SDF4: variants seen among roughly 807,000 people sequenced by gnomAD.
SDF4 encodes the protein stromal cell derived factor 4.
Under a neutral mutation model 34.2 loss-of-function variants are expected in SDF4, and 22 were observed. The observed-to-expected ratio is 0.64, with a 90% CI of 0.46 to 0.92. The LOEUF is 0.92. Ranked by LOEUF, SDF4 falls within the 40% of genes least tolerant of loss-of-function variation. The pLI, the probability that SDF4 is intolerant of heterozygous loss-of-function variation, is 0.00. For missense variants in SDF4, 447 were observed against 499.9 expected (o/e 0.89, Z 1.01); for synonymous variants, 236 against 203.1 (o/e 1.16, Z -1.38).
chr1:1,222,814 A>G (rs962161664), intron 4 of SDF4, among the ~76,000 whole-genome samples: 6 of 152,216 alleles, frequency 3.9e-5, no homozygotes, highest in Admixed American at 3.3e-4. Flanking sequence ...GACAGCCACC[A>G]CCAACCAGGT....
chr1:1,222,923 G>A (rs1650051221), intron 4 of SDF4, among the ~76,000 whole-genome samples: 2 of 152,208 alleles, frequency 1.3e-5, no homozygotes, highest in Non-Finnish European at 2.9e-5. Flanking sequence ...CTACCTGGAT[G>A]TACTCACAAG....
intron 4 of SDF4, among the ~76,000 whole-genome samples, chr1:1,221,673 G>A (rs757447318): frequency 3.5e-4 from 53 of 152,172 alleles, no homozygotes; most frequent in Non-Finnish European, 2.1e-4. Context: ...AAAAGAAAGA[G>A]GCTAAGACTA....
At chr1:1,221,146 G>A (rs892661288) in intron 4 of SDF4, 1 of 239,272 alleles carries the variant, frequency 4.2e-6, no homozygotes, top group African/African-American at 2.3e-5. Context: ...CCAAACTCCA[G>A]ATAAGAGTAC....
In SDF4 at chr1:1,218,026, G is replaced by A. The variant is rs960961579; in HGVS notation, c.892-338C>T. Reference sequence around the variant, plus strand: ...AAACAAGATGACTCACTCAGCAGTGGGAGAAAAACAAGCCTACACATGATA... The same window carrying A: ...AAACAAGATGACTCACTCAGCAGTGAGAGAAAAACAAGCCTACACATGATA... On this transcript the variant is annotated intron_variant, in intron 6 of 6. Coordinates refer to ENST00000360001, the MANE Select transcript of SDF4 (RefSeq NM_016176.6). This position sits in a 1 kb window ranked among gnomAD's most constrained non-coding sequence, Gnocchi z 7.9. Among the ~76,000 whole-genome samples, 1 of 152,180 alleles carries A rather than the reference G, an allele frequency of 6.6e-6. No homozygotes were observed. Among genetic ancestry groups the A allele is most frequent in the African/African-American group, 2.4e-5 (1 of 41,454 alleles).
intron 1 of SDF4, among the ~76,000 whole-genome samples, chr1:1,230,677 T>C (rs1367128010): frequency 2.0e-5 from 3 of 152,246 alleles, no homozygotes; most frequent in Non-Finnish European, 4.4e-5. Flanking sequence ...CAGGCTGGTC[T>C]CTAACTCCTG....
At chr1:1,230,409 A>G (rs1412972851) in intron 1 of SDF4, among the ~76,000 whole-genome samples, 3 of 152,068 alleles carry the variant, frequency 2.0e-5, no homozygotes, top group Non-Finnish European at 4.4e-5. Flanking sequence ...CAAGAGGGGT[A>G]CAAGCCTGAG....
intron 4 of SDF4, chr1:1,220,335 T>C: frequency 9.1e-7 from 1 of 1,103,322 alleles, no homozygotes; most frequent in Non-Finnish European, 1.1e-6. Context: ...GATGCCCGCC[T>C]GCCACGCCTT....
rs1327421236 is a variant in SDF4, at chr1:1,228,632, A to T, written c.141T>A (p.Asn47Lys). The T allele has an allele frequency of 8.7e-6, 14 of 1,612,892 alleles. No individual in the cohort carries two copies. The highest frequency in any genetic ancestry group is 2.7e-5 in the African/African-American group (2 of 74,888). ...TRERVANREE[N>K]EILPPDHLNG... ...TCAGGTGGTCTGGGGGCAGGATCTC[A>T]TTCTCCTCCCTGTTGGCTACTCTCT... The change falls in exon 2 of 7, where the codon AAT becomes AAA. Residue 47 changes from asparagine to lysine, a missense_variant. Physicochemically the swap from Asn to Lys is moderately conservative, Grantham distance 94. Coordinates refer to ENST00000360001, the MANE Select transcript of SDF4 (RefSeq NM_016176.6).
intron 4 of SDF4, chr1:1,220,479 C>T: frequency 2.5e-6 from 3 of 1,194,654 alleles, no homozygotes; most frequent in Admixed American, 3.4e-5. Context: ...TCCCAGGCCC[C>T]TCCTCCAGGA....
chr1:1,220,435 G>A, intron 4 of SDF4: 2 of 1,182,990 alleles, frequency 1.7e-6, no homozygotes, highest in Non-Finnish European at 2.1e-6. Flanking sequence ...GCAGGGAGGG[G>A]TGGGAGGTCG....
Position 1,220,406 on chromosome 1 carries a change from T to C in SDF4, c.557-1479A>G, listed in dbSNP as rs12090040. Reference sequence around the variant, plus strand: ...GACAGCAGCCCCCGGACTCACGCGGTGACCCTCGCAGGAGCCATGCAGGGA... The same window carrying C: ...GACAGCAGCCCCCGGACTCACGCGGCGACCCTCGCAGGAGCCATGCAGGGA... On this transcript the variant is annotated intron_variant, in intron 4 of 6. Transcript: ENST00000360001. The C allele has an allele frequency of 0.02, 23,466 of 1,165,722 alleles. 3,525 individuals carry two copies. The African/African-American group carries it at 0.33, about 16-fold the overall frequency. The allele number at this position is 1,165,722 out of a possible 1,614,324, so 72.2% of individuals were successfully genotyped here.
Position 1,220,383 on chromosome 1 carries a change from C to T in SDF4, c.557-1456G>A, listed in dbSNP as rs1180507951. ...CAGAATCAGGTCTGAGGCGCGAGGA[C>T]AGCAGCCCCCGGACTCACGCGGTGA... On this transcript the variant is annotated intron_variant, in intron 4 of 6. Transcript: ENST00000360001. 5 of 1,147,598 alleles carry T rather than the reference C, an allele frequency of 4.4e-6. No homozygotes were observed. The African/African-American group carries it at 8.1e-5, about 19-fold the overall frequency. The allele number at this position is 1,147,598 out of a possible 1,614,324, so 71.1% of individuals were successfully genotyped here.
chr1:1,221,054 A>C, intron 4 of SDF4: 1 of 323,202 alleles, frequency 3.1e-6, no homozygotes, highest in Non-Finnish European at 6.1e-6. Flanking sequence ...CAGGACTTTG[A>C]GACCAGCCTG....
rs751991902 is a variant in SDF4, at chr1:1,228,773, C to T, written c.-1G>A. 9.3e-6 allele frequency: 15 copies of T among 1,604,304 alleles called. No individual in the cohort carries two copies. Among genetic ancestry groups the T allele is most frequent in the East Asian group, 2.2e-5 (1 of 44,542 alleles). On this transcript the variant is annotated 5_prime_UTR_variant, in exon 2 of 7. Coordinates refer to ENST00000360001, the MANE Select transcript of SDF4 (RefSeq NM_016176.6). ...TGAGGGGACCCCACCTGGACGCCAT[C>T]GCCACCCAGGGCCAGACCATGGGGC... is the stretch of plus-strand genomic sequence containing the variant.
intron 4 of SDF4, chr1:1,220,193 G>A (rs977732354): frequency 7.6e-5 from 75 of 990,538 alleles, no homozygotes; most frequent in Admixed American, 1.2e-4. Context: ...CCCTCCCCAC[G>A]AGCCGGGCCT....
intron 2 of SDF4, among the ~76,000 whole-genome samples, chr1:1,224,843 G>A (rs1428354213): frequency 6.6e-6 from 1 of 152,244 alleles, no homozygotes; most frequent in Non-Finnish European, 1.5e-5. Flanking sequence ...AACCTGGAAT[G>A]CGAAGGTTGC....
intron 1 of SDF4, among the ~76,000 whole-genome samples, chr1:1,229,990 G>A (rs1162042423): frequency 6.6e-6 from 1 of 152,246 alleles, no homozygotes; most frequent in African/African-American, 2.4e-5. Flanking sequence ...GAGGAGCCCA[G>A]AAGTCTGTCC....
intron 4 of SDF4, 74 bp downstream of exon 4, chr1:1,223,170 T>C: frequency 9.8e-7 from 1 of 1,018,262 alleles, no homozygotes. Context: ...CACGGCACAC[T>C]CATGTACACA....
At position 1,217,788 on chromosome 1, in the gene SDF4, G is replaced by A. The variant is rs538738238; in HGVS notation, c.892-100C>T. The A allele has an allele frequency of 6.9e-6, 11 of 1,590,634 alleles. No homozygotes were observed. The highest frequency in any genetic ancestry group is 1.7e-4 in the Middle Eastern group (1 of 6,008). ...ATTTAAGGTGCCTATTGGCTGCAGC[G>A]GGAGTGTGGGCACGTTCTGGAAGGT... On this transcript the variant is annotated intron_variant, in intron 6 of 6. Coordinates refer to ENST00000360001, the MANE Select transcript of SDF4 (RefSeq NM_016176.6). This position sits in a 1 kb window ranked among gnomAD's most constrained non-coding sequence, Gnocchi z 8.5.
Sources: gnomAD v4.1 joint callset for allele counts (sites outside exome capture counted in the v4.1 genomes callset) on GRCh38, gnomAD v4.1.1 for gene constraint, Gnocchi (gnomAD v3.1) non-coding constraint, MANE v1.5 for transcripts, NCBI Gene and HGNC (gene_info 2026-07-23, HGNC 2026-07-21) for gene names.